The following CCDC179 variants were observed in gnomAD, a reference collection of about 807,000 sequenced individuals.
CCDC179 encodes the protein coiled-coil domain-containing protein 179.
In CCDC179, 17 loss-of-function variants were observed where a neutral mutation model predicts 12.0. That is an observed-to-expected ratio of 1.42 (90% CI 0.97 to 2.13). The LOEUF (loss-of-function observed/expected upper bound fraction) is 2.13, where lower values mean the gene tolerates loss of function less well. Ranked by LOEUF, CCDC179 falls within the 30% of genes most tolerant of loss-of-function variation. The pLI is 0.00. For synonymous variants in CCDC179, 27 were observed against 26.4 expected, an observed-to-expected ratio of 1.02 and a Z score of -0.07; for missense variants, 83 against 78.6, an observed-to-expected ratio of 1.06 and a Z score of -0.21.
intron 3 of CCDC179, among the ~76,000 whole-genome samples, chr11:22,848,034 T>A (rs1858267755): frequency 6.6e-6 from 1 of 151,814 alleles, no homozygotes; most frequent in East Asian, 1.9e-4. Context: ...ACAAGAAAAA[T>A]GAAAAAATTG....
At chr11:22,857,253 C>T (rs1449472412) in intron 3 of CCDC179, among the ~76,000 whole-genome samples, 2 of 151,568 alleles carry the variant, frequency 1.3e-5, no homozygotes, top group Admixed American at 1.3e-4. Context: ...CTGACACTAC[C>T]TGATTTCTAG....
chr11:22,858,006 C>T lies in CCDC179; in HGVS notation c.111G>A (p.Gln37=), dbSNP rs1858567363. ...TCTCTTTCTTTAGGTGTTGCATATT[C>T]TGAATACGTTTATTTGCAAGCTTTA... is the stretch of plus-strand genomic sequence containing the variant. ...TERQLANKRI[Q]NMQHLKKEKR... Residue 37 remains glutamine, a synonymous_variant, in exon 3 of 4, where the codon CAG becomes CAA. Transcript: ENST00000532798. 15 of 1,514,958 alleles carry T rather than the reference C, an allele frequency of 9.9e-6. No individual in the cohort carries two copies. The highest frequency in any genetic ancestry group is 1.3e-5 in the Non-Finnish European group (15 of 1,138,488). 93.8% of individuals were successfully genotyped at this position (1,514,958 alleles called of 1,614,324 possible). A position where few individuals can be genotyped will look rare whatever the true frequency, so the allele number is the denominator to read the frequency against.
intron 2 of CCDC179, among the ~76,000 whole-genome samples, chr11:22,859,150 G>T (rs1242880118): frequency 6.6e-6 from 1 of 152,076 alleles, no homozygotes; most frequent in Non-Finnish European, 1.5e-5. Context: ...TCCCTAGCTG[G>T]ATTCAGAAAT....
chr11:22,847,438 A>G lies in CCDC179; in HGVS notation c.*72T>C. On this transcript the variant is annotated 3_prime_UTR_variant, in exon 4 of 4. Transcript: ENST00000532798. ...ATTTTGTGGATGATCAATTCATGAT[A>G]TGTCACTTGATGTTCACAATCCACA... is the stretch of plus-strand genomic sequence containing the variant. 1.1e-6 allele frequency: 1 copy of G among 918,862 alleles called. No individual in the cohort carries two copies. Among genetic ancestry groups the G allele is most frequent in the Non-Finnish European group, 1.6e-6 (1 of 639,356 alleles). The allele number at this position is 918,862 out of a possible 1,614,324, so 56.9% of individuals were successfully genotyped here. A position where few individuals can be genotyped will look rare whatever the true frequency, so the allele number is the denominator to read the frequency against.
intron 3 of CCDC179, among the ~76,000 whole-genome samples, chr11:22,849,191 A>G (rs529133962): frequency 2.6e-5 from 4 of 152,206 alleles, no homozygotes; most frequent in African/African-American, 9.7e-5. Context: ...CTTTCTTGGA[A>G]GAAAGGTATA....
rs191236838 is a variant in CCDC179, at chr11:22,848,348, G to C, written c.196-827C>G. ...AATCCCAGCTACTTGGAAGGCCGAG[G>C]CAGGAGAATTGCTTGAGCCCGGGAG... On this transcript the variant is annotated intron_variant, in intron 3 of 3. Coordinates refer to ENST00000532798, the MANE Select transcript of CCDC179 (RefSeq NM_001195637.2). 3.4e-3 allele frequency among the ~76,000 whole-genome samples: 517 copies of C among 152,250 alleles called. 3 individuals are homozygous for C. The highest frequency in any genetic ancestry group is 0.012 in the African/African-American group (494 of 41,550).
intron 3 of CCDC179, among the ~76,000 whole-genome samples, chr11:22,855,653 A>G (rs1397415782): frequency 2.0e-5 from 3 of 151,520 alleles, no homozygotes; most frequent in South Asian, 2.1e-4. Context: ...GAAAAAGAAG[A>G]GCAAATTAAA....
chr11:22,852,120 C>T (rs112984648), intron 3 of CCDC179, among the ~76,000 whole-genome samples: 2,184 of 152,224 alleles, frequency 0.014, 46 homozygotes, highest in African/African-American at 0.05. Context: ...TCCTATCTCA[C>T]CTAACAGGGA....
chr11:22,849,110 A>T lies in CCDC179; in HGVS notation c.196-1589T>A, dbSNP rs183423299. Among the ~76,000 whole-genome samples, 79 of 152,294 alleles carry T rather than the reference A, an allele frequency of 5.2e-4. 1 individual carries two copies. Among genetic ancestry groups the T allele is most frequent in the African/African-American group, 1.8e-3 (74 of 41,574 alleles). Reference sequence around the variant, plus strand: ...ACGGTTGTCACAGTAACTCTTTGTTATTGCTATTCTTTGAAAAGTGAAGAG... The same window carrying T: ...ACGGTTGTCACAGTAACTCTTTGTTTTTGCTATTCTTTGAAAAGTGAAGAG... On this transcript the variant is annotated intron_variant, in intron 3 of 3. Transcript: ENST00000532798.
At chr11:22,858,907 A>G (rs1383179942) in intron 2 of CCDC179, among the ~76,000 whole-genome samples, 1 of 152,156 alleles carries the variant, frequency 6.6e-6, no homozygotes, top group Non-Finnish European at 1.5e-5. Flanking sequence ...GAAACTATAT[A>G]CAGCAATGTA....
At chr11:22,854,829 A>C (rs1177674324) in intron 3 of CCDC179, among the ~76,000 whole-genome samples, 1 of 151,748 alleles carries the variant, frequency 6.6e-6, no homozygotes, top group Non-Finnish European at 1.5e-5. Context: ...TGTTTACAAG[A>C]AACTCACTTT....
chr11:22,852,341 A>G (rs1858426794), intron 3 of CCDC179, among the ~76,000 whole-genome samples: 1 of 152,118 alleles, frequency 6.6e-6, no homozygotes, highest in Non-Finnish European at 1.5e-5. Flanking sequence ...CCAAAATTAA[A>G]CCACCTTTGT....
intron 3 of CCDC179, among the ~76,000 whole-genome samples, chr11:22,851,178 GA>G (rs1858393582): frequency 6.6e-6 from 1 of 150,832 alleles, no homozygotes; most frequent in Non-Finnish European, 1.5e-5. Context: ...ATCAGCAAGG[GA>G]GGAGCTTTGT....
intron 3 of CCDC179, among the ~76,000 whole-genome samples, chr11:22,854,468 C>A (rs555134142): frequency 7.5e-4 from 113 of 151,234 alleles, no homozygotes; most frequent in Admixed American, 1.7e-3. Flanking sequence ...ACTGCATTAC[C>A]CATAAAGTAG....
intron 3 of CCDC179, among the ~76,000 whole-genome samples, chr11:22,853,575 G>GA (rs1288951611): frequency 6.6e-6 from 1 of 150,448 alleles, no homozygotes; most frequent in Non-Finnish European, 1.5e-5. Context: ...ACGGTAAGGA[G>GA]AAAAAAGTAT....
intron 3 of CCDC179, among the ~76,000 whole-genome samples, chr11:22,851,088 C>G (rs1175985512): frequency 3.4e-5 from 5 of 145,844 alleles, no homozygotes; most frequent in Non-Finnish European, 7.5e-5. Flanking sequence ...CAGGTTCACG[C>G]CATTCTCCTG....
intron 3 of CCDC179, among the ~76,000 whole-genome samples, chr11:22,854,747 C>G (rs1858495557): frequency 6.6e-6 from 1 of 151,722 alleles, no homozygotes; most frequent in Admixed American, 6.6e-5. Flanking sequence ...TATCAATAAT[C>G]ACTTCAGATG....
chr11:22,848,641 A>G lies in CCDC179; in HGVS notation c.196-1120T>C, dbSNP rs183193856. On this transcript the variant is annotated intron_variant, in intron 3 of 3. Transcript: ENST00000532798. Reference sequence around the variant, plus strand: ...ACATTTAAATTGTACAAAAACTGTTATTGCATTTTTTTCTTAAAGATTGAT... The same window carrying G: ...ACATTTAAATTGTACAAAAACTGTTGTTGCATTTTTTTCTTAAAGATTGAT... 3.3e-5 allele frequency among the ~76,000 whole-genome samples: 5 copies of G among 152,282 alleles called. No homozygotes were observed. The East Asian group carries it at 9.6e-4, about 29-fold the overall frequency.
At chr11:22,857,275 A>G (rs1657952361) in intron 3 of CCDC179, among the ~76,000 whole-genome samples, 1 of 151,660 alleles carries the variant, frequency 6.6e-6, no homozygotes, top group South Asian at 2.1e-4. Flanking sequence ...CTTATTGTAA[A>G]TCTATAGTTT....
Sources: allele counts gnomAD v4.1 joint callset (sites outside exome capture counted in the v4.1 genomes callset), GRCh38; gene constraint gnomAD v4.1.1; transcripts MANE v1.5; gene names NCBI Gene and HGNC (gene_info 2026-07-23, HGNC 2026-07-21).